Variants in VEZT observed in about 807,000 individuals in gnomAD.
VEZT encodes vezatin, adherens junctions transmembrane protein, also known as vezatin.
Under a neutral mutation model 79.9 loss-of-function variants are expected in VEZT, and 39 were observed. The observed-to-expected ratio is 0.49, with a 90% CI of 0.38 to 0.64. The LOEUF (loss-of-function observed/expected upper bound fraction) is 0.64. Ranked by LOEUF, VEZT falls within the 30% of genes least tolerant of loss-of-function variation. The pLI, the probability that VEZT is intolerant of heterozygous loss-of-function variation, is 0.00. For synonymous variants in VEZT, 325 were observed against 327.6 expected, an observed-to-expected ratio of 0.99 and a Z score of 0.09; for missense variants, 837 against 893.1, an observed-to-expected ratio of 0.94 and a Z score of 0.80.
chr12:95,267,805 T>A (rs1020738007), intron 5 of VEZT, among the ~76,000 whole-genome samples: 2 of 151,616 alleles, frequency 1.3e-5, no homozygotes, highest in Non-Finnish European at 2.9e-5. Context: ...GAGGATCACT[T>A]GAGCCCAGGA....
chr12:95,226,747 G>C lies in VEZT; in HGVS notation c.36+8861G>C, dbSNP rs569749059. On this transcript the variant is annotated intron_variant, in intron 1 of 11. Transcript: ENST00000436874. Reference sequence around the variant, plus strand: ...TGATAATATAAGAGAAGGACTAAGGGAGGAAAGAAAGAGTGAAGTGCCCAG... The same window carrying C: ...TGATAATATAAGAGAAGGACTAAGGCAGGAAAGAAAGAGTGAAGTGCCCAG... Among the ~76,000 whole-genome samples, 5 of 152,298 alleles carry C rather than the reference G, an allele frequency of 3.3e-5. No individual in the cohort carries two copies. The East Asian group carries it at 5.8e-4, about 18-fold the overall frequency.
intron 1 of VEZT, among the ~76,000 whole-genome samples, chr12:95,243,483 T>G (rs2137436669): frequency 6.6e-6 from 1 of 152,302 alleles, no homozygotes; most frequent in Non-Finnish European, 1.5e-5. Flanking sequence ...ATCTTTTTTC[T>G]TGGTGTATTT....
intron 1 of VEZT, among the ~76,000 whole-genome samples, chr12:95,225,609 C>G (rs574412948): frequency 1.3e-5 from 2 of 151,866 alleles, no homozygotes; most frequent in Non-Finnish European, 2.9e-5. Context: ...ACATCTGCCT[C>G]TCAATAACCT....
At chr12:95,257,820 C>A (rs1170905710) in intron 3 of VEZT, among the ~76,000 whole-genome samples, 1 of 151,794 alleles carries the variant, frequency 6.6e-6, no homozygotes, top group East Asian at 1.9e-4. Flanking sequence ...TGGCCTGTAA[C>A]CTTAAGAATT....
In VEZT at chr12:95,300,459, C is replaced by G. The variant is rs371064385; in HGVS notation, c.2126C>G (p.Thr709Ser). The part of the protein sequence containing the change: ...EPQADGSGLT[T>S]APPTPRDSLQ... ...CAAGCAGATGGAAGTGGTCTGACCA[C>G]TGCCCCTCCAACTCCCAGGGACTCA... Residue 709 changes from threonine (T) to serine (S), a missense_variant, in exon 12 of 12, where the codon ACT (threonine) becomes AGT (serine). Transcript: ENST00000436874. 1.3e-4 allele frequency: 203 copies of G among 1,613,848 alleles called. 1 individual carries two copies. Among genetic ancestry groups the G allele is most frequent in the Non-Finnish European group, 1.4e-4 (168 of 1,179,872 alleles).
At chr12:95,257,124 T>A (rs754822969) in intron 2 of VEZT, 26 bp from the exon 3 acceptor site, 1 of 1,572,734 alleles carries the variant, frequency 6.4e-7, no homozygotes, top group East Asian at 2.2e-5. Flanking sequence ...TTAATAATCC[T>A]ATACAATGTC....
chr12:95,249,204 C>G (rs1386456802), intron 1 of VEZT, among the ~76,000 whole-genome samples: 1 of 152,118 alleles, frequency 6.6e-6, no homozygotes, highest in Admixed American at 6.5e-5. Context: ...GGCTGCTGAC[C>G]CAGAGTTAGA....
At chr12:95,260,113 T>C (rs2064143478) in intron 3 of VEZT, among the ~76,000 whole-genome samples, 1 of 145,960 alleles carries the variant, frequency 6.9e-6, no homozygotes, top group Non-Finnish European at 1.5e-5. Flanking sequence ...TTTTTTTTTT[T>C]TTTTTTTTTT....
At position 95,274,722 on chromosome 12, in the gene VEZT, T is replaced by G; in HGVS notation, c.849-20T>G. On this transcript the variant is annotated intron_variant, in intron 6 of 11. Coordinates refer to ENST00000436874, the MANE Select transcript of VEZT (RefSeq NM_017599.4). ...TGCTTTCATGAAAAGGCTTTGTTGA[T>G]TGCCTTAACCTAATTTAACCTACCC... is the stretch of plus-strand genomic sequence containing the variant. 7.5e-6 allele frequency: 12 copies of G among 1,596,674 alleles called. No homozygotes were observed. The highest frequency in any genetic ancestry group is 1.0e-5 in the Non-Finnish European group (12 of 1,173,496).
rs1270921574 is a variant in VEZT, at chr12:95,252,029, A to G, written c.126A>G (p.Thr42=). The G allele has an allele frequency of 6.2e-7, 1 of 1,613,064 alleles. No homozygotes were observed. The highest frequency in any genetic ancestry group is 1.7e-5 in the Admixed American group (1 of 59,858). The change falls in exon 2 of 12, where the codon ACA becomes ACG. Residue 42 remains threonine (T), a synonymous_variant. Transcript: ENST00000436874. ...SSLSPKTEKC[T]TEGQQKPPTR... ...TGTCACCAAAAACAGAAAAATGCAC[A>G]ACAGAGGGACAACAAAAGCCTCCTA...
chr12:95,260,098 C>CTTTTT (rs56756447), intron 3 of VEZT, among the ~76,000 whole-genome samples: 8 of 68,528 alleles, frequency 1.2e-4, no homozygotes, highest in African/African-American at 1.9e-4. Flanking sequence ...TGGTTGATCA[C>CTTTTT]TTTTTTTTTT....
intron 8 of VEZT, among the ~76,000 whole-genome samples, chr12:95,283,572 C>G (rs1256112616): frequency 6.6e-6 from 1 of 152,078 alleles, no homozygotes; most frequent in East Asian, 1.9e-4. Flanking sequence ...GATACATCAG[C>G]AAAATCAAAA....
chr12:95,223,123 G>A (rs2057874371), intron 1 of VEZT, among the ~76,000 whole-genome samples: 1 of 152,096 alleles, frequency 6.6e-6, no homozygotes. Context: ...ACTTTGAGCA[G>A]GTTACTTAAC....
intron 6 of VEZT, among the ~76,000 whole-genome samples, chr12:95,271,910 T>C (rs773893902): frequency 5.3e-5 from 8 of 152,232 alleles, no homozygotes; most frequent in Admixed American, 2.6e-4. Flanking sequence ...CTTGGTGCAG[T>C]GGCTCATGCC....
In VEZT at chr12:95,302,281, T is replaced by A. The variant is rs376054995; in HGVS notation, c.*1608T>A. 1 of 152,198 alleles carries A rather than the reference T, an allele frequency of 6.6e-6. No individual in the cohort carries two copies. The highest frequency in any genetic ancestry group is 2.4e-5 in the African/African-American group (1 of 41,464). 9.4% of individuals were successfully genotyped at this position (152,198 alleles called of 1,614,324 possible). A position where few individuals can be genotyped will look rare whatever the true frequency, so the allele number is the denominator to read the frequency against. On this transcript the variant is annotated 3_prime_UTR_variant, in exon 12 of 12. Coordinates refer to ENST00000436874, the MANE Select transcript of VEZT (RefSeq NM_017599.4). ...GAATTAGAGTTTAATAATTTTTAAT[T>A]CTTTTATTGTATGTTACTTTTATTA...
chr12:95,228,405 G>A (rs2058788583), intron 1 of VEZT, among the ~76,000 whole-genome samples: 1 of 151,978 alleles, frequency 6.6e-6, no homozygotes, highest in Non-Finnish European at 1.5e-5. Context: ...GAAGAATATT[G>A]TTTTTGTCTG....
intron 1 of VEZT, 85 bp downstream of exon 1, chr12:95,217,971 C>T (rs1447856193): frequency 7.3e-7 from 1 of 1,372,188 alleles, no homozygotes; most frequent in East Asian, 2.8e-5. Context: ...GTTCCCGGGG[C>T]GAGGGATCGG....
intron 1 of VEZT, among the ~76,000 whole-genome samples, chr12:95,250,327 A>C (rs2062379018): frequency 6.9e-6 from 1 of 145,156 alleles, no homozygotes. Flanking sequence ...TTGTGAGACA[A>C]AGTCTTGCTC....
At chr12:95,296,455 G>A (rs535801941) in intron 11 of VEZT, 197 bp downstream of exon 11, 79 of 402,206 alleles carry the variant, frequency 2.0e-4, no homozygotes, top group African/African-American at 1.4e-3. Context: ...GAAATATGAA[G>A]TCATACTTTT....
Sources: allele counts gnomAD v4.1 joint callset (sites outside exome capture counted in the v4.1 genomes callset), GRCh38; gene constraint gnomAD v4.1.1; transcripts MANE v1.5; gene names NCBI Gene and HGNC (gene_info 2026-07-23, HGNC 2026-07-21).